The following MECOM variants were observed in gnomAD, a reference collection of about 807,000 sequenced individuals.
The protein encoded by MECOM is MDS1 and EVI1 complex locus, also known as histone-lysine N-methyltransferase MECOM.
Under a neutral mutation model 116.3 loss-of-function variants are expected in MECOM, and 13 were observed. That is an observed-to-expected ratio of 0.11 (90% CI 0.07 to 0.18). MECOM has a LOEUF of 0.18. Among genes scored for constraint, MECOM ranks in the 10% least tolerant of loss-of-function variants. The pLI, the probability that MECOM is intolerant of heterozygous loss-of-function variation, is 1.00. For missense variants in MECOM, 1,299 were observed against 1,509.0 expected (o/e 0.86, Z 2.31); for synonymous variants, 528 against 535.2 (o/e 0.99, Z 0.19).
chr3:169,507,778 C>T (rs537849970), intron 1 of MECOM, among the ~76,000 whole-genome samples: 4 of 148,858 alleles, frequency 2.7e-5, no homozygotes, highest in Non-Finnish European at 5.9e-5. Flanking sequence ...TCTCCTGCCT[C>T]AGCCTCCCGA....
At chr3:169,138,757 G>A (rs904300484) in intron 3 of MECOM, among the ~76,000 whole-genome samples, 1 of 152,070 alleles carries the variant, frequency 6.6e-6, no homozygotes, top group African/African-American at 2.4e-5. Flanking sequence ...AGTATAAAGA[G>A]GGTAACAAAT....
chr3:169,577,403 C>T (rs1265629637), intron 1 of MECOM, among the ~76,000 whole-genome samples: 1 of 152,020 alleles, frequency 6.6e-6, no homozygotes, highest in Non-Finnish European at 1.5e-5. Flanking sequence ...CCATCTAACT[C>T]TCTTCATTCC....
intron 2 of MECOM, among the ~76,000 whole-genome samples, chr3:169,194,567 A>G (rs1230393405): frequency 6.6e-6 from 1 of 152,014 alleles, no homozygotes; most frequent in African/African-American, 2.4e-5. Flanking sequence ...GGCATGCATG[A>G]CTATATTTTT....
At chr3:169,475,911 A>G (rs1750300306) in intron 1 of MECOM, among the ~76,000 whole-genome samples, 1 of 152,228 alleles carries the variant, frequency 6.6e-6, no homozygotes, top group Non-Finnish European at 1.5e-5. Flanking sequence ...TTGCAACAGT[A>G]TAAAATCAGA....
At chr3:169,405,730 C>T (rs977536503) in intron 1 of MECOM, among the ~76,000 whole-genome samples, 1 of 152,210 alleles carries the variant, frequency 6.6e-6, no homozygotes, top group Non-Finnish European at 1.5e-5. Context: ...AACTGTTCCC[C>T]TTCCCCTAAA....
chr3:169,433,639 GAGAAAGAAAGAAAGAAAGAA>G (rs748166969), intron 1 of MECOM, among the ~76,000 whole-genome samples: 1,879 of 127,048 alleles, frequency 0.015, 40 homozygotes, highest in East Asian at 0.069. Flanking sequence ...GAAAGAGAAA[GAGAAAGAAAGAAAGAAAGAA>G]AGAAAGAAAG....
At chr3:169,657,096 G>C (rs1334134850) in intron 1 of MECOM, among the ~76,000 whole-genome samples, 1 of 152,216 alleles carries the variant, frequency 6.6e-6, no homozygotes, top group African/African-American at 2.4e-5. Flanking sequence ...GATACCAATA[G>C]GGAAGGGGGA....
chr3:169,485,928 ATATAGTATATATG>A (rs1226321390), intron 1 of MECOM, among the ~76,000 whole-genome samples: 11 of 82,352 alleles, frequency 1.3e-4, no homozygotes, highest in African/African-American at 2.8e-4. Context: ...TATATAGTAT[ATATAGTATATATG>A]TATGTATATA....
chr3:169,218,135 G>A (rs1387902015), intron 2 of MECOM, among the ~76,000 whole-genome samples: 1 of 151,854 alleles, frequency 6.6e-6, no homozygotes, highest in African/African-American at 2.4e-5. Flanking sequence ...TTATTTTAAT[G>A]GGAAGAGACA....
intron 2 of MECOM, among the ~76,000 whole-genome samples, chr3:169,348,121 T>G (rs1725680869): frequency 1.3e-5 from 2 of 152,036 alleles, no homozygotes; most frequent in South Asian, 4.1e-4. Context: ...TCCATATGCA[T>G]TTGTCAATGT....
intron 2 of MECOM, among the ~76,000 whole-genome samples, chr3:169,373,150 A>T (rs900166034): frequency 1.3e-5 from 2 of 152,016 alleles, no homozygotes; most frequent in Non-Finnish European, 2.9e-5. Context: ...GTCTTTAAAG[A>T]TCTTTTTGTT....
intron 1 of MECOM, among the ~76,000 whole-genome samples, chr3:169,418,031 A>G (rs1194847421): frequency 2.0e-5 from 3 of 151,650 alleles, no homozygotes; most frequent in African/African-American, 7.3e-5. Context: ...TGTGTGCAGC[A>G]CACCAGCATG....
intron 2 of MECOM, among the ~76,000 whole-genome samples, chr3:169,274,795 T>C (rs548875141): frequency 2.6e-5 from 4 of 152,210 alleles, no homozygotes; most frequent in African/African-American, 9.6e-5. Flanking sequence ...AACTACCACA[T>C]TGAACAGTGC....
At chr3:169,401,769 A>G (rs1482186948) in intron 1 of MECOM, among the ~76,000 whole-genome samples, 2 of 152,226 alleles carry the variant, frequency 1.3e-5, no homozygotes, top group African/African-American at 4.8e-5. Context: ...GAAAAGTATG[A>G]AAGAGCTTAG....
At chr3:169,368,454 G>A (rs1729544083) in intron 2 of MECOM, among the ~76,000 whole-genome samples, 1 of 151,870 alleles carries the variant, frequency 6.6e-6, no homozygotes, top group Admixed American at 6.6e-5. Context: ...CATTCAAATG[G>A]AAGAGTGTAC....
At chr3:169,472,518 G>GAAAAGAAAAGAAAAGAAAAGAAAAGA (rs1749522201) in intron 1 of MECOM, among the ~76,000 whole-genome samples, 13 of 70,118 alleles carry the variant, frequency 1.9e-4, no homozygotes, top group Non-Finnish European at 2.6e-4. Flanking sequence ...GAAAGGAAAG[G>GAAAAGAAAAGAAAAGAAAAGAAAAGA]AAAGAAAAGA....
chr3:169,536,347 C>CTTTT (rs10634392), intron 1 of MECOM, among the ~76,000 whole-genome samples: 21 of 116,070 alleles, frequency 1.8e-4, no homozygotes, highest in African/African-American at 6.3e-4. Flanking sequence ...AATGTCTCTC[C>CTTTT]TTTTTTTTTT....
At chr3:169,378,571 AAAGAAAGAAAGAAAGT>A (rs769808759) in intron 2 of MECOM, among the ~76,000 whole-genome samples, 6,154 of 129,880 alleles carry the variant, frequency 0.047, 805 homozygotes, top group South Asian at 0.052. Context: ...AGAAAGAAAG[AAAGAAAGAAAGAAAGT>A]AAGTAAGTAA....
intron 1 of MECOM, among the ~76,000 whole-genome samples, chr3:169,590,973 A>T (rs1202773855): frequency 2.0e-5 from 3 of 152,230 alleles, no homozygotes; most frequent in Non-Finnish European, 4.4e-5. Context: ...TAGAGAAAGC[A>T]ATCTGCTTTA....
Sources: allele counts gnomAD v4.1 joint callset (sites outside exome capture counted in the v4.1 genomes callset), GRCh38; gene constraint gnomAD v4.1.1; transcripts MANE v1.5; gene names NCBI Gene and HGNC (gene_info 2026-07-23, HGNC 2026-07-21).